CDK15: variants seen among roughly 807,000 people sequenced by gnomAD.
CDK15 encodes the protein cyclin-dependent kinase 15.
CDK15 carries 62 observed loss-of-function variants against 60.3 expected under a neutral mutation model. That is an observed-to-expected ratio of 1.03 (90% confidence interval 0.84 to 1.27). The LOEUF is 1.27. CDK15 is among the 50% of genes most tolerant of loss of function. The probability of loss-of-function intolerance (pLI) is 0.00; values close to 1 mark genes in which losing one functional copy is unlikely to be tolerated. For missense variants in CDK15, 541 were observed against 527.8 expected (o/e 1.03, Z -0.25); for synonymous variants, 194 against 195.7 (o/e 0.99, Z 0.07).
chr2:201,871,946 A>G (rs888028746), intron 10 of CDK15, among the ~76,000 whole-genome samples: 28 of 152,040 alleles, frequency 1.8e-4, no homozygotes, highest in Admixed American at 5.2e-4. Flanking sequence ...ATGTGAGTCA[A>G]ATTGCATTAG....
chr2:201,822,199 G>C (rs796594159), intron 4 of CDK15, among the ~76,000 whole-genome samples: 6 of 152,298 alleles, frequency 3.9e-5, no homozygotes, highest in African/African-American at 1.4e-4. Flanking sequence ...GGCTCCCCAA[G>C]TTTGGCCGAC....
intron 11 of CDK15, chr2:201,876,442 C>A: frequency 2.0e-6 from 1 of 492,382 alleles, no homozygotes; most frequent in South Asian, 1.6e-5. Context: ...GGTCTTGCTA[C>A]CAGTGCTGCC....
At chr2:201,884,677 G>A (rs1699396306) in intron 12 of CDK15, among the ~76,000 whole-genome samples, 1 of 152,028 alleles carries the variant, frequency 6.6e-6, no homozygotes, top group Non-Finnish European at 1.5e-5. Context: ...CCACTTTTTA[G>A]TCATTTTGTT....
At chr2:201,828,071 C>T (rs1472758182) in intron 6 of CDK15, among the ~76,000 whole-genome samples, 1 of 152,176 alleles carries the variant, frequency 6.6e-6, no homozygotes, top group African/African-American at 2.4e-5. Context: ...CCAAACATAA[C>T]TGGTTTTGTG....
intron 6 of CDK15, among the ~76,000 whole-genome samples, chr2:201,827,733 A>G (rs1696571040): frequency 6.6e-6 from 1 of 152,126 alleles, no homozygotes; most frequent in Non-Finnish European, 1.5e-5. Context: ...CGGCCTCCCA[A>G]AGTGCTGGAA....
intron 12 of CDK15, chr2:201,889,462 T>C (rs561169911): frequency 1.0e-6 from 1 of 960,052 alleles, no homozygotes; most frequent in East Asian, 1.2e-4. Flanking sequence ...ACACAAGGTG[T>C]TTTGCATATA....
intron 6 of CDK15, among the ~76,000 whole-genome samples, chr2:201,826,519 G>C (rs1394418746): frequency 6.9e-6 from 1 of 145,744 alleles, no homozygotes; most frequent in African/African-American, 2.5e-5. Flanking sequence ...CAACAGTCTA[G>C]AATAGGAGAG....
intron 8 of CDK15, 143 bp downstream of exon 8, chr2:201,835,906 TTTATATAG>T (rs1175339993): frequency 4.6e-6 from 1 of 216,230 alleles, no homozygotes; most frequent in Non-Finnish European, 7.7e-6. Context: ...TTTATATATA[TTTATATAG>T]TTATATATTT....
chr2:201,834,237 A>T (rs899317298), intron 7 of CDK15, among the ~76,000 whole-genome samples: 3 of 152,162 alleles, frequency 2.0e-5, no homozygotes, highest in Non-Finnish European at 4.4e-5. Flanking sequence ...TGATATAGAG[A>T]CATTGGTAGA....
intron 11 of CDK15, 44 bp from the exon 12 acceptor site, chr2:201,879,984 G>A: frequency 2.5e-6 from 4 of 1,600,274 alleles, no homozygotes; most frequent in Non-Finnish European, 3.4e-6. Flanking sequence ...TTTTCAGAAG[G>A]GAGGCTGCTG....
At chr2:201,851,555 G>A (rs544271352) in intron 9 of CDK15, among the ~76,000 whole-genome samples, 6 of 152,126 alleles carry the variant, frequency 3.9e-5, no homozygotes, top group South Asian at 4.1e-4. Flanking sequence ...CTAATCACAC[G>A]CTAAAGGTGG....
At chr2:201,822,356 A>C (rs7597484) in intron 4 of CDK15, among the ~76,000 whole-genome samples, 1,836 of 152,270 alleles carry the variant, frequency 0.012, 39 homozygotes, top group African/African-American at 0.041. Context: ...CACCGGCCCT[A>C]TTGACCGCTT....
chr2:201,874,517 T>G (rs1698999212), intron 11 of CDK15, among the ~76,000 whole-genome samples: 1 of 152,174 alleles, frequency 6.6e-6, no homozygotes, highest in South Asian at 2.1e-4. Flanking sequence ...GTAGTCCAAC[T>G]AAGTAAGTGG....
At position 201,833,947 on chromosome 2, in the gene CDK15, G is replaced by A. The variant is rs1431388342; in HGVS notation, c.706G>A (p.Gly236Arg). Residue 236 changes from glycine (G) to arginine (R), a missense_variant, in exon 7 of 14, where the codon GGA (glycine) becomes AGA (arginine). By Grantham distance (125) the Gly-to-Arg change is moderately radical (BLOSUM62 -2). Coordinates refer to ENST00000652192, the MANE Select transcript of CDK15 (RefSeq NM_001366386.2). Reference protein sequence around the residue: ...KPQNLLISHLGELKLADFGLA... With the variant: ...KPQNLLISHLRELKLADFGLA... ...TCAGAACTTACTCATCAGTCACCTGGGAGAGCTCAAACTGGCTGATTTTGG... is the reference window on the plus strand; with the variant it reads ...TCAGAACTTACTCATCAGTCACCTGAGAGAGCTCAAACTGGCTGATTTTGG... The A allele has an allele frequency of 1.2e-6, 2 of 1,613,580 alleles. No homozygotes were observed. The highest frequency in any genetic ancestry group is 1.7e-6 in the Non-Finnish European group (2 of 1,179,880).
chr2:201,807,804 T>G (rs774553691), intron 2 of CDK15, 54 bp from the exon 3 acceptor site: 17 of 1,563,156 alleles, frequency 1.1e-5, no homozygotes, highest in Non-Finnish European at 1.5e-5. Context: ...TAAAAAAAAG[T>G]GTTCTTTCTC....
intron 11 of CDK15, 138 bp from the exon 12 acceptor site, chr2:201,879,890 A>C (rs1699213325): frequency 8.5e-7 from 1 of 1,174,708 alleles, no homozygotes; most frequent in South Asian, 1.6e-5. Context: ...AGTTGCCATC[A>C]ACTTTAGCAA....
Position 201,859,682 on chromosome 2 carries a change from CT to C in CDK15, c.1009+4746del, listed in dbSNP as rs761589404. Among the ~76,000 whole-genome samples the C allele has an allele frequency of 2.2e-3, 331 of 152,186 alleles. 2 individuals carry two copies. Among genetic ancestry groups the C allele is most frequent in the Non-Finnish European group, 3.8e-3 (259 of 68,008 alleles). On this transcript the variant is annotated intron_variant, in intron 10 of 13. Transcript: ENST00000652192. The stretch of plus-strand genomic sequence containing the variant: ...AGAACAAATTAAGAGAAAGTATTAG[CT>C]GGAAAGGTATTGGTCCTAAACTAAG...
intron 3 of CDK15, among the ~76,000 whole-genome samples, chr2:201,809,792 G>A (rs890609930): frequency 1.3e-5 from 2 of 152,094 alleles, no homozygotes; most frequent in Non-Finnish European, 2.9e-5. Flanking sequence ...CTGCTTCAAT[G>A]ACAGACTGCT....
intron 12 of CDK15, 66 bp from the exon 13 acceptor site, chr2:201,890,719 C>G: frequency 7.7e-7 from 1 of 1,298,630 alleles, no homozygotes; most frequent in East Asian, 2.4e-5. Flanking sequence ...TTACAACAGA[C>G]AAAAATATAC....
Sources: allele counts gnomAD v4.1 joint callset (sites outside exome capture counted in the v4.1 genomes callset), GRCh38; gene constraint gnomAD v4.1.1; transcripts MANE v1.5; gene names NCBI Gene and HGNC (gene_info 2026-07-23, HGNC 2026-07-21).